The following CFAP46 variants were observed in gnomAD, a reference collection of about 807,000 sequenced individuals.
The protein encoded by CFAP46 is cilia- and flagella-associated protein 46.
Under a neutral mutation model 325.7 loss-of-function variants are expected in CFAP46, and 245 were observed. That is an observed-to-expected ratio of 0.75 (90% CI 0.68 to 0.84). CFAP46 has a LOEUF of 0.84. Among genes scored for constraint, CFAP46 ranks in the 40% least tolerant of loss-of-function variants. The pLI is 0.00. For synonymous variants in CFAP46, 1,523 were observed against 1,495.9 expected (o/e 1.02, Z -0.42); for missense variants, 3,346 against 3,543.0 (o/e 0.94, Z 1.41).
chr10:132,927,322 G>A (rs916146711), intron 9 of CFAP46, among the ~76,000 whole-genome samples: 2 of 149,048 alleles, frequency 1.3e-5, no homozygotes, highest in African/African-American at 2.6e-5. Flanking sequence ...GGTCCTCGGC[G>A]GCAGACGCCT....
chr10:132,809,099 G>A lies in CFAP46; in HGVS notation c.7665-195C>T, dbSNP rs568273040. Among the ~76,000 whole-genome samples the A allele has an allele frequency of 9.9e-5, 15 of 152,060 alleles. No homozygotes were observed. In the South Asian group the frequency reaches 1.0e-3, roughly 11 times the overall value. On this transcript the variant is annotated intron_variant, in intron 57 of 57. Transcript: ENST00000368586. ...CCCGCACCGAGGTGTCCAGGCCCGC[G>A]CAGCCGGGTGACGGCACCAGGACTG...
rs1240927399 is a variant in CFAP46 at position 132,876,773 on chromosome 10, G to A, written c.4362+39C>T. ...GGACAGGTCAAGGGGACACCATGCT[G>A]TGACCAAGGTCTTGAGCCTTTTCTT... On this transcript the variant is annotated intron_variant, in intron 31 of 57. Coordinates refer to ENST00000368586, the MANE Select transcript of CFAP46 (RefSeq NM_001200049.3). The surrounding 1 kb of genome is among the most constrained non-coding windows in gnomAD (Gnocchi z 4.1). 6.5e-7 allele frequency: 1 copy of A among 1,533,224 alleles called. No individual in the cohort carries two copies. The highest frequency in any genetic ancestry group is 1.2e-5 in the South Asian group (1 of 81,174). The allele number at this position is 1,533,224 out of a possible 1,614,324, so 95.0% of individuals were successfully genotyped here.
Position 132,828,851 on chromosome 10 carries a change from G to A in CFAP46, c.7117+4507C>T, listed in dbSNP as rs866890343. On this transcript the variant is annotated intron_variant, in intron 50 of 57. Transcript: ENST00000368586. The surrounding 1 kb of genome is among the most constrained non-coding windows in gnomAD (Gnocchi z 4.9). ...TGGAGATGCCCTTCCTCCGCTCAGC[G>A]TCCTCGTCCCTTTGCCAGCCACCAC... Among the ~76,000 whole-genome samples the A allele has an allele frequency of 7.9e-5, 12 of 152,066 alleles. No individual in the cohort carries two copies. Among genetic ancestry groups the A allele is most frequent in the African/African-American group, 9.7e-5 (4 of 41,364 alleles).
rs763921515 is a variant in CFAP46 at position 132,817,956 on chromosome 10, C to T, written c.7118-3042G>A. On this transcript the variant is annotated intron_variant, in intron 50 of 57. Transcript: ENST00000368586. The surrounding 1 kb of genome is among the most constrained non-coding windows in gnomAD (Gnocchi z 4.4). ...CGCCCTCCATCCTCACCGTCGGCAG[C>T]GCAGCCCCCAGGCTCCTTCTCCTGC... Among the ~76,000 whole-genome samples the T allele has an allele frequency of 1.9e-4, 29 of 152,316 alleles. No individual in the cohort carries two copies. Among genetic ancestry groups the T allele is most frequent in the Non-Finnish European group, 3.1e-4 (21 of 68,022 alleles).
rs536413497 is a variant in CFAP46, at chr10:132,839,150, C to T, written c.6439-2236G>A. Among the ~76,000 whole-genome samples the T allele has an allele frequency of 2.6e-5, 4 of 152,332 alleles. No homozygotes were observed. In the East Asian group the frequency reaches 5.8e-4, roughly 22 times the overall value. On this transcript the variant is annotated intron_variant, in intron 44 of 57. Transcript: ENST00000368586. ...GTCAATATCTTCTCATTCTCTGTGG[C>T]TGCCCCTTGACTCTCGGCAGGGCGT...
At chr10:132,902,132 G>A (rs570652142) in intron 22 of CFAP46, among the ~76,000 whole-genome samples, 1 of 152,326 alleles carries the variant, frequency 6.6e-6, no homozygotes, top group South Asian at 2.1e-4. Flanking sequence ...TCTCCAGGTT[G>A]ATATTTTTAA....
intron 57 of CFAP46, among the ~76,000 whole-genome samples, chr10:132,809,697 A>T (rs1241080677): frequency 2.0e-5 from 3 of 151,806 alleles, no homozygotes; most frequent in Non-Finnish European, 4.4e-5. Flanking sequence ...GGGTCCCGGG[A>T]AGCTCCTTTC....
chr10:132,897,506 G>A (rs538383497), intron 24 of CFAP46, among the ~76,000 whole-genome samples: 3 of 152,366 alleles, frequency 2.0e-5, no homozygotes, highest in Admixed American at 6.5e-5. Flanking sequence ...GGTCAGCCAG[G>A]ACTCTTGGTC....
chr10:132,938,098 G>A (rs939878567), intron 5 of CFAP46, among the ~76,000 whole-genome samples: 4 of 152,104 alleles, frequency 2.6e-5, no homozygotes, highest in East Asian at 1.9e-4. Flanking sequence ...CCTTTCCGCC[G>A]CCCGGCACAG....
chr10:132,920,016 C>T (rs1025493106), intron 14 of CFAP46, 43 bp downstream of exon 14: 37 of 1,467,416 alleles, frequency 2.5e-5, no homozygotes, highest in Non-Finnish European at 3.1e-5. Context: ...GAGCGACCCC[C>T]GGGCTGAGCT....
chr10:132,935,489 T>C (rs796346103), intron 7 of CFAP46, among the ~76,000 whole-genome samples: 264 of 113,148 alleles, frequency 2.3e-3, no homozygotes, highest in South Asian at 3.3e-3. Context: ...AAACACACCG[T>C]GATCTCCTCA....
chr10:132,916,517 C>A, intron 17 of CFAP46, 32 bp downstream of exon 17: 2 of 1,539,122 alleles, frequency 1.3e-6, no homozygotes, highest in Non-Finnish European at 8.8e-7. Flanking sequence ...CGGCCCCGGG[C>A]GGTGCTCAAG....
At position 132,832,373 on chromosome 10, in the gene CFAP46, C is replaced by G. The variant is rs1848160122; in HGVS notation, c.7117+985G>C. Among the ~76,000 whole-genome samples, 1 of 149,010 alleles carries G rather than the reference C, an allele frequency of 6.7e-6. No homozygotes were observed. Among genetic ancestry groups the G allele is most frequent in the Non-Finnish European group, 1.5e-5 (1 of 67,646 alleles). Reference sequence around the variant, plus strand: ...CTGTCTGTCCTCAACTTGCGGAGACCCCTGGGCTCTTCCTGCCCCCCCCCC... The same window carrying G: ...CTGTCTGTCCTCAACTTGCGGAGACGCCTGGGCTCTTCCTGCCCCCCCCCC... On this transcript the variant is annotated intron_variant, in intron 50 of 57. Transcript: ENST00000368586. The surrounding 1 kb of genome is among the most constrained non-coding windows in gnomAD (Gnocchi z 4.1).
chr10:132,850,277 C>T lies in CFAP46; in HGVS notation c.5919G>A (p.Val1973=). ...CCGCCTCCCAGTAGCAGGTAGGGTG[C>T]ACAGGGTCAGCTTGCATGGCCAGCA... is the stretch of plus-strand genomic sequence containing the variant. ...LHLLAMQADP[V]HPTCYWEAGP... is the part of the protein sequence containing the mutation. The change falls in exon 41 of 58, where the codon GTG becomes GTA. Residue 1973 remains valine (V), a synonymous_variant. Coordinates refer to ENST00000368586, the MANE Select transcript of CFAP46 (RefSeq NM_001200049.3). 1 of 1,550,824 alleles carries T rather than the reference C, an allele frequency of 6.4e-7. No homozygotes were observed. Among genetic ancestry groups the T allele is most frequent in the Non-Finnish European group, 8.7e-7 (1 of 1,147,006 alleles).
Position 132,845,028 on chromosome 10 carries a change from G to A in CFAP46, c.6438+1029C>T, listed in dbSNP as rs139108578. On this transcript the variant is annotated intron_variant, in intron 44 of 57. Transcript: ENST00000368586. ...GCCCCCATGTCCAGCTTAGGCCACA[G>A]GCACCCCCCTGCATGCCCAGCTTAG... is the stretch of plus-strand genomic sequence containing the variant. Among the ~76,000 whole-genome samples, 12 of 152,240 alleles carry A rather than the reference G, an allele frequency of 7.9e-5. No homozygotes were observed. In the East Asian group the frequency reaches 2.3e-3, roughly 29 times the overall value.
At position 132,895,983 on chromosome 10, in the gene CFAP46, G is replaced by GA. The variant is rs5789145; in HGVS notation, c.3219+2975dup. On this transcript the variant is annotated intron_variant, in intron 24 of 57. Coordinates refer to ENST00000368586, the MANE Select transcript of CFAP46 (RefSeq NM_001200049.3). ...AAGGCAGCTAGGCTCTGTGTGCCAT[G>GA]AGACACGGCGAGAAGGCAGCCAGGC... 2.4e-3 allele frequency among the ~76,000 whole-genome samples: 142 copies of GA among 59,620 alleles called. 18 individuals are homozygous for GA. The highest frequency in any genetic ancestry group is 0.018 in the African/African-American group (109 of 6,204). The allele number at this position is 59,620 out of a possible 152,430, so 39.1% of individuals were successfully genotyped here. A position where few individuals can be genotyped will look rare whatever the true frequency, so the allele number is the denominator to read the frequency against.
chr10:132,825,215 T>C (rs1367616290), intron 50 of CFAP46, among the ~76,000 whole-genome samples: 2 of 136,896 alleles, frequency 1.5e-5, no homozygotes, highest in Admixed American at 7.1e-5. Flanking sequence ...GCTGTGTGTG[T>C]GCCCTGATGT....
At chr10:132,831,470 GCCT>G (rs1219656602) in intron 50 of CFAP46, among the ~76,000 whole-genome samples, 1 of 152,066 alleles carries the variant, frequency 6.6e-6, no homozygotes. Flanking sequence ...TCATGAATTA[GCCT>G]CCTCCTCTTT....
intron 19 of CFAP46, among the ~76,000 whole-genome samples, chr10:132,911,741 C>G (rs1025704460): frequency 1.3e-5 from 2 of 152,320 alleles, no homozygotes; most frequent in South Asian, 2.1e-4. Context: ...CCACCAGGAT[C>G]GTCCCACACA....
Sources: allele counts gnomAD v4.1 joint callset (sites outside exome capture counted in the v4.1 genomes callset), GRCh38; gene constraint gnomAD v4.1.1; non-coding constraint Gnocchi (gnomAD v3.1); transcripts MANE v1.5; gene names NCBI Gene and HGNC (gene_info 2026-07-23, HGNC 2026-07-21).